Variants in TRERF1 observed in about 807,000 individuals in gnomAD.
TRERF1 encodes transcriptional-regulating factor 1.
In TRERF1, 27 loss-of-function variants were observed where a neutral mutation model predicts 122.9. That is an observed-to-expected ratio of 0.22 (90% CI 0.16 to 0.30). TRERF1 has a LOEUF of 0.30. TRERF1 is among the 10% of genes least tolerant of loss of function. The probability of loss-of-function intolerance (pLI) is 1.00; values close to 1 mark genes in which losing one functional copy is unlikely to be tolerated. For synonymous variants in TRERF1, 636 were observed against 641.7 expected (o/e 0.99, Z 0.13); for missense variants, 1,248 against 1,560.3 (o/e 0.80, Z 3.37).
At chr6:42,380,675 A>T (rs1581898428) in intron 2 of TRERF1, among the ~76,000 whole-genome samples, 1 of 152,206 alleles carries the variant, frequency 6.6e-6, no homozygotes, top group African/African-American at 2.4e-5. Flanking sequence ...CCCACCTTAT[A>T]GCAATTTCTC....
At chr6:42,394,934 C>G (rs965362180) in intron 2 of TRERF1, among the ~76,000 whole-genome samples, 1 of 152,232 alleles carries the variant, frequency 6.6e-6, no homozygotes, top group African/African-American at 2.4e-5. Flanking sequence ...CTACCGCCCA[C>G]CACAGCCCAC....
intron 3 of TRERF1, among the ~76,000 whole-genome samples, chr6:42,355,976 T>C (rs1770463670): frequency 6.6e-6 from 1 of 152,236 alleles, no homozygotes; most frequent in Non-Finnish European, 1.5e-5. Flanking sequence ...CTGACCAAGT[T>C]GGCAACCACA....
At chr6:42,394,565 AG>A (rs1166323666) in intron 2 of TRERF1, among the ~76,000 whole-genome samples, 1 of 152,234 alleles carries the variant, frequency 6.6e-6, no homozygotes, top group African/African-American at 2.4e-5. Flanking sequence ...GCGAGTGTCC[AG>A]GATTGGGAAT....
Position 42,254,666 on chromosome 6 carries a change from TATGCCAACAGACAA to T in TRERF1, c.2656+171_2656+184del, listed in dbSNP as rs1399971896. 2.6e-5 allele frequency among the ~76,000 whole-genome samples: 4 copies of T among 152,280 alleles called. No individual in the cohort carries two copies. The East Asian group carries it at 7.7e-4, about 29-fold the overall frequency. ...GGCACACCCACAAGGGGCAGGAGCTTATGCCAACAGACAAATGCCAACAGAGCCAAAGCAACAGA... is the reference window on the plus strand; with the variant it reads ...GGCACACCCACAAGGGGCAGGAGCTTATGCCAACAGAGCCAAAGCAACAGA... On this transcript the variant is annotated intron_variant, in intron 13 of 17. Transcript: ENST00000372922.
At chr6:42,277,946 A>AAGAAGAAGG (rs1781566265) in intron 4 of TRERF1, among the ~76,000 whole-genome samples, 1 of 151,132 alleles carries the variant, frequency 6.6e-6, no homozygotes, top group East Asian at 1.9e-4. Flanking sequence ...GAAGAAGAAG[A>AAGAAGAAGG]AGAAGAAGAA....
At chr6:42,294,469 C>T (rs1209353177) in intron 4 of TRERF1, among the ~76,000 whole-genome samples, 2 of 151,970 alleles carry the variant, frequency 1.3e-5, no homozygotes, top group African/African-American at 2.4e-5. Context: ...CATGAGCCAC[C>T]GCGCCCGGCC....
At chr6:42,307,542 G>A (rs967990021) in intron 3 of TRERF1, among the ~76,000 whole-genome samples, 25 of 152,286 alleles carry the variant, frequency 1.6e-4, no homozygotes, top group African/African-American at 6.0e-4. Flanking sequence ...AGCCTCAGAT[G>A]GACAAGTAGA....
chr6:42,361,999 CCT>C (rs1771860310), intron 3 of TRERF1, among the ~76,000 whole-genome samples: 3 of 152,192 alleles, frequency 2.0e-5, no homozygotes, highest in African/African-American at 7.2e-5. Flanking sequence ...CTCTCCAGCT[CCT>C]GTTTCCCATC....
chr6:42,254,474 T>A (rs895045430), intron 13 of TRERF1, among the ~76,000 whole-genome samples: 2 of 152,212 alleles, frequency 1.3e-5, no homozygotes, highest in African/African-American at 4.8e-5. Context: ...AAACCCAGGC[T>A]GCAGAAGACC....
chr6:42,307,028 G>A (rs1287815713), intron 3 of TRERF1, among the ~76,000 whole-genome samples: 3 of 152,110 alleles, frequency 2.0e-5, no homozygotes, highest in Admixed American at 6.5e-5. Context: ...TGTAAAGCTC[G>A]CCAGGTGGTT....
chr6:42,320,639 A>G (rs1345346678), intron 3 of TRERF1, among the ~76,000 whole-genome samples: 2 of 151,734 alleles, frequency 1.3e-5, no homozygotes, highest in African/African-American at 2.4e-5. Flanking sequence ...CCTCCTGAGT[A>G]GCAAGGATTA....
intron 2 of TRERF1, among the ~76,000 whole-genome samples, chr6:42,405,818 T>TA (rs1273918885): frequency 8.8e-5 from 13 of 147,128 alleles, no homozygotes; most frequent in South Asian, 2.2e-4. Flanking sequence ...TTAAAAAAAT[T>TA]AAAAAAAATA....
At chr6:42,364,553 A>G (rs771218646) in intron 2 of TRERF1, among the ~76,000 whole-genome samples, 5 of 152,234 alleles carry the variant, frequency 3.3e-5, no homozygotes, top group Non-Finnish European at 5.9e-5. Flanking sequence ...AAGAGAAAAG[A>G]GAGTTGCAAG....
chr6:42,395,862 C>T (rs908471679), intron 2 of TRERF1, among the ~76,000 whole-genome samples: 1 of 151,968 alleles, frequency 6.6e-6, no homozygotes, highest in East Asian at 2.0e-4. Context: ...TTAACAAATG[C>T]GTAGCTCACA....
intron 5 of TRERF1, among the ~76,000 whole-genome samples, chr6:42,266,154 G>A (rs887921151): frequency 4.6e-5 from 7 of 151,158 alleles, no homozygotes; most frequent in Non-Finnish European, 8.8e-5. Context: ...GGTGGGAGAC[G>A]CAGCATTATG....
chr6:42,395,954 T>A lies in TRERF1; in HGVS notation c.-453-32875A>T, dbSNP rs191685894. Among the ~76,000 whole-genome samples the A allele has an allele frequency of 9.2e-5, 14 of 152,240 alleles. No homozygotes were observed. In the East Asian group the frequency reaches 2.7e-3, roughly 30 times the overall value. ...ACCACACTGTTCAACCAACATGTGA[T>A]TCCAATTCCTGCAATCAGTGGATAA... On this transcript the variant is annotated intron_variant, in intron 2 of 17. Coordinates refer to ENST00000372922, the Ensembl canonical transcript of TRERF1.
At chr6:42,314,853 T>C (rs1762229359) in intron 3 of TRERF1, among the ~76,000 whole-genome samples, 1 of 152,014 alleles carries the variant, frequency 6.6e-6, no homozygotes, top group African/African-American at 2.4e-5. Context: ...AGGAAAGCAG[T>C]AGGAACAAGG....
chr6:42,238,451 A>C (rs35465718), intron 15 of TRERF1, among the ~76,000 whole-genome samples: 29,781 of 152,164 alleles, frequency 0.2, 3,168 homozygotes, highest in African/African-American at 0.28. Flanking sequence ...ATGGCTCACC[A>C]AAGTGACTAA....
intron 15 of TRERF1, among the ~76,000 whole-genome samples, chr6:42,239,445 CT>C (rs1469331382): frequency 7.2e-5 from 11 of 152,194 alleles, no homozygotes; most frequent in African/African-American, 2.7e-4. Flanking sequence ...CACACTGCCC[CT>C]GCTGAGTGAG....
Sources: allele counts gnomAD v4.1 joint callset (sites outside exome capture counted in the v4.1 genomes callset), GRCh38; gene constraint gnomAD v4.1.1; transcripts MANE v1.5; gene names NCBI Gene and HGNC (gene_info 2026-07-23, HGNC 2026-07-21).